The following OLFM1 variants were observed in gnomAD, a reference collection of about 807,000 sequenced individuals.
The protein encoded by OLFM1 is olfactomedin 1.
OLFM1 carries 9 observed loss-of-function variants against 49.7 expected under a neutral mutation model. That is an observed-to-expected ratio of 0.18 (90% CI 0.11 to 0.32). OLFM1 has a LOEUF of 0.32. Among genes scored for constraint, OLFM1 ranks in the 10% least tolerant of loss-of-function variants. The pLI, the probability that OLFM1 is intolerant of heterozygous loss-of-function variation, is 1.00. For synonymous variants in OLFM1, 240 were observed against 271.8 expected (o/e 0.88, Z 1.15); for missense variants, 369 against 661.8 (o/e 0.56, Z 4.85).
chr9:135,105,499 G>C (rs1396581054), intron 4 of OLFM1: 1 of 152,272 alleles, frequency 6.6e-6, no homozygotes, highest in Non-Finnish European at 1.5e-5. Context: ...TTCCAGTTGG[G>C]AGAGAGTGGG....
At chr9:135,096,284 C>T (rs73562210) in intron 3 of OLFM1, among the ~76,000 whole-genome samples, 6,045 of 134,626 alleles carry the variant, frequency 0.045, 555 homozygotes, top group African/African-American at 0.17. Flanking sequence ...CCTCTTCCCC[C>T]TCATCCTCTT....
chr9:135,103,269 A>G (rs1316398795), intron 4 of OLFM1, among the ~76,000 whole-genome samples: 2 of 152,180 alleles, frequency 1.3e-5, no homozygotes, highest in Non-Finnish European at 2.9e-5. Flanking sequence ...CCTGAACTGC[A>G]TGTGCCAAGA....
In OLFM1 at chr9:135,107,131, G is replaced by GTGGGCTGGGC. The variant is rs55864915; in HGVS notation, c.783+310_783+319dup. On this transcript the variant is annotated intron_variant, in intron 5 of 5. Coordinates refer to ENST00000371793, the MANE Select transcript of OLFM1 (RefSeq NM_001282611.2). The stretch of plus-strand genomic sequence containing the variant: ...CCTTCAAGGCCTCCTCCCCGGCCCG[G>GTGGGCTGGGC]TGGGCTGGGCTGGGCTGGGCTGGGC... 1.3e-4 allele frequency among the ~76,000 whole-genome samples: 19 copies of GTGGGCTGGGC among 151,816 alleles called. No individual in the cohort carries two copies. The East Asian group carries it at 1.8e-3, about 14-fold the overall frequency.
chr9:135,091,869 A>ATAGTCACACACACT (rs1564271274), intron 2 of OLFM1, among the ~76,000 whole-genome samples: 2 of 140,818 alleles, frequency 1.4e-5, no homozygotes, highest in Admixed American at 7.2e-5. Flanking sequence ...ACACACTCAC[A>ATAGTCACACACACT]CACAGTCACA....
intron 1 of OLFM1, chr9:135,076,787 T>C: frequency 6.6e-7 from 1 of 1,515,328 alleles, no homozygotes; most frequent in Non-Finnish European, 8.9e-7. Flanking sequence ...CTTCTTTCCT[T>C]CCTCCCTTCC....
chr9:135,106,478 G>A (rs901751825), intron 4 of OLFM1: 37 of 457,274 alleles, frequency 8.1e-5, no homozygotes, highest in Admixed American at 1.5e-4. Flanking sequence ...CTGAGGAGGC[G>A]TGAAGCCTGG....
Position 135,090,195 on chromosome 9 carries a change from G to A in OLFM1, c.151G>A (p.Val51Met). Residue 51 changes from valine (V) to methionine (M), a missense_variant and splice_region_variant, in exon 2 of 6, where the codon GTG (valine) becomes ATG (methionine). Val to Met is a conservative substitution (Grantham distance 21). This residue lies in a region of OLFM1 where 55 missense variants were observed against 53.3 expected (regional missense o/e 1.03). Transcript: ENST00000371793. ...CCCTTCCCGCCCCGCCCCTCTCCAG[G>A]TGCTGCCCACCAACCCTGAGGAGAG... The part of the protein sequence containing the change: ...GGGTLDRSTG[V>M]LPTNPEESWQ... The A allele has an allele frequency of 6.2e-7, 1 of 1,605,956 alleles. No individual in the cohort carries two copies. The highest frequency in any genetic ancestry group is 8.5e-7 in the Non-Finnish European group (1 of 1,173,794).
At chr9:135,096,337 C>T (rs1475268531) in intron 3 of OLFM1, among the ~76,000 whole-genome samples, 6 of 151,412 alleles carry the variant, frequency 4.0e-5, no homozygotes, top group Non-Finnish European at 1.5e-5. Flanking sequence ...TCCTCCTCTT[C>T]CTCCTCCCTC....
At position 135,119,617 on chromosome 9, in the gene OLFM1, G is replaced by A. The variant is rs141686389; in HGVS notation, c.897G>A (p.Ser299=). 1.3e-5 allele frequency: 21 copies of A among 1,614,036 alleles called. No homozygotes were observed. The highest frequency in any genetic ancestry group is 4.0e-5 in the African/African-American group (3 of 74,920). The part of the protein sequence containing the change: ...FTSHRLPHPW[S]GTGQVVYNGS... Reference sequence around the variant, plus strand: ...CCCACCGTCTCCCCCACCCCTGGTCGGGCACGGGGCAGGTGGTCTACAACG... The same window carrying A: ...CCCACCGTCTCCCCCACCCCTGGTCAGGCACGGGGCAGGTGGTCTACAACG... The change falls in exon 6 of 6, where the codon TCG becomes TCA. Residue 299 remains serine, a synonymous_variant. Coordinates refer to ENST00000371793, the MANE Select transcript of OLFM1 (RefSeq NM_001282611.2).
intron 5 of OLFM1, among the ~76,000 whole-genome samples, chr9:135,107,418 G>T (rs949058145): frequency 1.3e-5 from 2 of 152,210 alleles, no homozygotes; most frequent in African/African-American, 4.8e-5. Flanking sequence ...AGAGAAACAG[G>T]CATCATATTT....
intron 2 of OLFM1, 38 bp from the exon 3 acceptor site, chr9:135,095,826 C>T (rs1830781715): frequency 6.2e-7 from 1 of 1,607,116 alleles, no homozygotes; most frequent in Non-Finnish European, 8.5e-7. Flanking sequence ...CTGGCACCTA[C>T]TGCGGCTGTT....
Position 135,090,184 on chromosome 9 carries a change from C to A in OLFM1, c.151-11C>A, listed in dbSNP as rs1476650958. ...TCCTTCCCTCTCCCTTCCCGCCCCG[C>A]CCCTCTCCAGGTGCTGCCCACCAAC... is the stretch of plus-strand genomic sequence containing the variant. On this transcript the variant is annotated splice_polypyrimidine_tract_variant and intron_variant, in intron 1 of 5. Transcript: ENST00000371793. 6.2e-7 allele frequency: 1 copy of A among 1,601,330 alleles called. No individual in the cohort carries two copies. The highest frequency in any genetic ancestry group is 1.7e-5 in the Admixed American group (1 of 59,752).
At chr9:135,091,691 A>ACACACAGT (rs1554752845) in intron 2 of OLFM1, among the ~76,000 whole-genome samples, 1 of 87,342 alleles carries the variant, frequency 1.1e-5, no homozygotes, top group African/African-American at 6.1e-5. Context: ...ATAGTCTCAC[A>ACACACAGT]CACACACAGT....
chr9:135,075,881 G>A, intron 1 of OLFM1: 2 of 1,464,940 alleles, frequency 1.4e-6, no homozygotes, highest in Non-Finnish European at 1.8e-6. Flanking sequence ...GTCCGGGAAC[G>A]GCTCTGGCTC....
intron 2 of OLFM1, among the ~76,000 whole-genome samples, chr9:135,094,585 C>T (rs946638362): frequency 2.0e-5 from 3 of 152,182 alleles, no homozygotes; most frequent in South Asian, 4.2e-4. Context: ...GCCACCCCGT[C>T]GTGTACTTTA....
chr9:135,081,621 G>C (rs535836789), intron 1 of OLFM1, among the ~76,000 whole-genome samples: 3 of 152,178 alleles, frequency 2.0e-5, no homozygotes, highest in African/African-American at 7.2e-5. Flanking sequence ...TAGGGGTTAC[G>C]TAGGCAGCCC....
At chr9:135,077,033 C>G (rs973523912) in intron 1 of OLFM1, 3 of 1,546,966 alleles carry the variant, frequency 1.9e-6, no homozygotes, top group Non-Finnish European at 2.6e-6. Context: ...AGACGATCAG[C>G]CAGTCCCTCC....
chr9:135,077,521 A>C (rs1588198991), intron 1 of OLFM1: 1 of 290,288 alleles, frequency 3.4e-6, no homozygotes, highest in Non-Finnish European at 6.3e-6. Flanking sequence ...GGACATCCGA[A>C]CCCCAGCCAG....
intron 4 of OLFM1, chr9:135,105,838 A>G (rs1166535758): frequency 6.6e-6 from 1 of 152,290 alleles, no homozygotes; most frequent in African/African-American, 2.4e-5. Flanking sequence ...GGTCCCTGTT[A>G]GAATCAGGAG....
Sources: gnomAD v4.1 joint callset for allele counts (sites outside exome capture counted in the v4.1 genomes callset) on GRCh38, gnomAD v4.1.1 for gene constraint, gnomAD v4.1.1 regional missense constraint, MANE v1.5 for transcripts, NCBI Gene and HGNC (gene_info 2026-07-23, HGNC 2026-07-21) for gene names.